The following ATF3 variants were observed in gnomAD, a reference collection of about 807,000 sequenced individuals.
The protein encoded by ATF3 is activating transcription factor 3, also known as cyclic AMP-dependent transcription factor ATF-3.
In ATF3, 10 loss-of-function variants were observed where a neutral mutation model predicts 18.4. The observed-to-expected ratio is 0.54, with a 90% CI of 0.34 to 0.92. The LOEUF (loss-of-function observed/expected upper bound fraction) is 0.92. Among genes scored for constraint, ATF3 ranks in the 40% least tolerant of loss-of-function variants. The pLI, the probability that ATF3 is intolerant of heterozygous loss-of-function variation, is 0.02. For synonymous variants in ATF3, 78 were observed against 87.9 expected, an observed-to-expected ratio of 0.89 and a Z score of 0.63; for missense variants, 183 against 222.3, an observed-to-expected ratio of 0.82 and a Z score of 1.12.
Position 212,615,223 on chromosome 1 carries a change from A to G in ATF3, c.202A>G (p.Ser68Gly). ...CTCTGCGCTGGAATCAGTCACTGTCAGCGACAGACCCCTCGGGGTGTCCAT... is the reference window on the plus strand; with the variant it reads ...CTCTGCGCTGGAATCAGTCACTGTCGGCGACAGACCCCTCGGGGTGTCCAT... ...MSSALESVTV[S>G]DRPLGVSITK... The change falls in exon 2 of 4, where the codon AGC becomes GGC. Residue 68 changes from serine to glycine, a missense_variant. Ser to Gly is a moderately conservative substitution (Grantham distance 56). Transcript: ENST00000341491. The G allele has an allele frequency of 6.2e-7, 1 of 1,614,140 alleles. No individual in the cohort carries two copies. Among genetic ancestry groups the G allele is most frequent in the South Asian group, 1.1e-5 (1 of 91,078 alleles).
intron 1 of ATF3, among the ~76,000 whole-genome samples, chr1:212,600,999 C>T (rs939616305): frequency 1.3e-5 from 2 of 152,116 alleles, no homozygotes; most frequent in African/African-American, 4.8e-5. Context: ...CTTATATTGT[C>T]CTTGTAACCC....
At chr1:212,584,006 G>T (rs998231267) in intron 1 of ATF3, among the ~76,000 whole-genome samples, 7 of 152,104 alleles carry the variant, frequency 4.6e-5, no homozygotes, top group African/African-American at 1.4e-4. Context: ...TAGGTGAAAC[G>T]CAAGAAAGCC....
At chr1:212,582,386 C>T (rs1184186922) in intron 1 of ATF3, among the ~76,000 whole-genome samples, 1 of 152,214 alleles carries the variant, frequency 6.6e-6, no homozygotes, top group African/African-American at 2.4e-5. Context: ...AAGTCGCCAA[C>T]CAATGGCTCT....
intron 1 of ATF3, among the ~76,000 whole-genome samples, chr1:212,610,619 C>T (rs1654855588): frequency 6.6e-6 from 1 of 152,212 alleles, no homozygotes; most frequent in Non-Finnish European, 1.5e-5. Flanking sequence ...TTCTTTTTCT[C>T]TCTCTCTTCC....
At chr1:212,595,027 T>A (rs1184736927) in intron 1 of ATF3, among the ~76,000 whole-genome samples, 1 of 152,210 alleles carries the variant, frequency 6.6e-6, no homozygotes, top group African/African-American at 2.4e-5. Flanking sequence ...TGTTTTGCCA[T>A]CTACTATTAC....
At chr1:212,608,336 C>A (rs564443258), upstream of ATF3, among the ~76,000 whole-genome samples, 1,154 of 152,334 alleles carry the variant, frequency 7.6e-3, 12 homozygotes, top group Non-Finnish European at 0.011. Context: ...CTTCCCCGCC[C>A]CCCCCGCTCT....
At chr1:212,614,921 G>C in intron 1 of ATF3, 97 bp from the exon 2 acceptor site, 1 of 1,607,446 alleles carries the variant, frequency 6.2e-7, no homozygotes, top group East Asian at 2.2e-5. Context: ...TTTTCTCTGA[G>C]GGTGGGGCTC....
chr1:212,588,624 A>G (rs1664822764), intron 1 of ATF3, among the ~76,000 whole-genome samples: 1 of 92,890 alleles, frequency 1.1e-5, no homozygotes, highest in South Asian at 3.7e-4. Flanking sequence ...CTTATAATGA[A>G]AAAACAACAA....
chr1:212,582,532 A>G (rs1377072621), intron 1 of ATF3, among the ~76,000 whole-genome samples: 1 of 152,204 alleles, frequency 6.6e-6, no homozygotes, highest in Non-Finnish European at 1.5e-5. Flanking sequence ...CACACTGGTC[A>G]TGGGATTCAC....
chr1:212,585,131 A>G (rs1440800055), intron 1 of ATF3, among the ~76,000 whole-genome samples: 1 of 152,210 alleles, frequency 6.6e-6, no homozygotes, highest in East Asian at 1.9e-4. Flanking sequence ...GTGCCTGAAT[A>G]GTGAGGCAGA....
At chr1:212,615,634 A>G (rs960079627) in intron 2 of ATF3, among the ~76,000 whole-genome samples, 10 of 151,086 alleles carry the variant, frequency 6.6e-5, no homozygotes, top group Admixed American at 5.9e-4. Context: ...ACACAATGAA[A>G]CCCAATCTCT....
chr1:212,604,913 G>A (rs1469079023), upstream of ATF3, among the ~76,000 whole-genome samples: 2 of 152,192 alleles, frequency 1.3e-5, no homozygotes, highest in Admixed American at 1.3e-4. Context: ...TGGTGGAGTT[G>A]CTGTGATGGG....
chr1:212,592,231 C>G (rs540164467), intron 1 of ATF3, among the ~76,000 whole-genome samples: 26 of 152,294 alleles, frequency 1.7e-4, no homozygotes, highest in African/African-American at 6.0e-4. Flanking sequence ...GACACTTCAT[C>G]TAAGTGAAAT....
In ATF3 at chr1:212,619,698, G is replaced by A; in HGVS notation, c.*143G>A. Reference sequence around the variant, plus strand: ...AACCATCAAGGCGGGAGGGCCTGCAGTGATTCAGCAGGCCCTTCCCATTCT... The same window carrying A: ...AACCATCAAGGCGGGAGGGCCTGCAATGATTCAGCAGGCCCTTCCCATTCT... On this transcript the variant is annotated 3_prime_UTR_variant, in exon 4 of 4. Transcript: ENST00000341491. The surrounding 1 kb of genome is among the most constrained non-coding windows in gnomAD (Gnocchi z 4.4). 1 of 1,178,826 alleles carries A rather than the reference G, an allele frequency of 8.5e-7. No individual in the cohort carries two copies. The highest frequency in any genetic ancestry group is 1.2e-6 in the Non-Finnish European group (1 of 835,100). The allele number at this position is 1,178,826 out of a possible 1,614,324, so 73.0% of individuals were successfully genotyped here.
intron 1 of ATF3, among the ~76,000 whole-genome samples, chr1:212,572,434 G>A (rs1254854892): frequency 2.0e-5 from 3 of 152,110 alleles, no homozygotes; most frequent in Non-Finnish European, 1.5e-5. Context: ...GAGAAGGATG[G>A]CTTGAACCCG....
intron 1 of ATF3, among the ~76,000 whole-genome samples, chr1:212,599,584 T>C (rs1654415896): frequency 6.6e-6 from 1 of 152,206 alleles, no homozygotes; most frequent in Non-Finnish European, 1.5e-5. Flanking sequence ...CCTCTGAGTC[T>C]TTCCATTACT....
At chr1:212,602,555 G>C (rs1167103505) in intron 1 of ATF3, among the ~76,000 whole-genome samples, 1 of 152,162 alleles carries the variant, frequency 6.6e-6, no homozygotes, top group Non-Finnish European at 1.5e-5. Flanking sequence ...AGACTTGGGA[G>C]TCAGACTGCC....
At chr1:212,580,152 G>T (rs1051617706) in intron 1 of ATF3, among the ~76,000 whole-genome samples, 1 of 145,880 alleles carries the variant, frequency 6.9e-6, no homozygotes, top group East Asian at 2.0e-4. Context: ...GCTAGACTCC[G>T]TCTCAAAAAA....
chr1:212,568,425 G>A (rs1477063362), intron 1 of ATF3, among the ~76,000 whole-genome samples: 1 of 152,112 alleles, frequency 6.6e-6, no homozygotes, highest in African/African-American at 2.4e-5. Context: ...CATGGAAAAA[G>A]GAGCCCCAGA....
Sources: gnomAD v4.1 joint callset for allele counts (sites outside exome capture counted in the v4.1 genomes callset) on GRCh38, gnomAD v4.1.1 for gene constraint, Gnocchi (gnomAD v3.1) non-coding constraint, MANE v1.5 for transcripts, NCBI Gene and HGNC (gene_info 2026-07-23, HGNC 2026-07-21) for gene names.